Variants in TLL2 observed in about 807,000 individuals in gnomAD.
TLL2 encodes the protein tolloid like 2.
A neutral mutation model predicts 123.0 loss-of-function variants in TLL2; 106 were observed. That is an observed-to-expected ratio of 0.86 (90% CI 0.74 to 1.01). The LOEUF is 1.01. Among genes scored for constraint, TLL2 ranks in the 50% least tolerant of loss-of-function variants. The probability of loss-of-function intolerance (pLI) is 0.00; values close to 1 mark genes in which losing one functional copy is unlikely to be tolerated. For missense variants in TLL2, 1,332 were observed against 1,336.7 expected (o/e 1.00, Z 0.06); for synonymous variants, 494 against 516.8 (o/e 0.96, Z 0.60).
Position 96,422,599 on chromosome 10 carries a change from C to T in TLL2, c.767G>A (p.Arg256Gln), listed in dbSNP as rs200756241. 1.4e-5 allele frequency: 23 copies of T among 1,614,164 alleles called. No individual in the cohort carries two copies. Among genetic ancestry groups the T allele is most frequent in the East Asian group, 6.7e-5 (3 of 44,880 alleles). ...HVVGFWHEHTRPDRDQHVTII... is the reference protein window; with the variant it reads ...HVVGFWHEHTQPDRDQHVTII... ...GGTGACATGTTGGTCTCTGTCTGGC[C>T]GGGTGTGTTCATGCCAAAACCCAAC... Residue 256 changes from arginine to glutamine, a missense_variant, in exon 6 of 21, where the codon CGG becomes CAG. Transcript: ENST00000357947.
chr10:96,441,040 G>C (rs1170872619), intron 3 of TLL2, among the ~76,000 whole-genome samples: 1 of 152,066 alleles, frequency 6.6e-6, no homozygotes, highest in African/African-American at 2.4e-5. Context: ...TAGGGTTGAG[G>C]GGGGATAAAG....
intron 9 of TLL2, among the ~76,000 whole-genome samples, chr10:96,405,618 A>G (rs1280806537): frequency 6.6e-6 from 1 of 152,232 alleles, no homozygotes; most frequent in African/African-American, 2.4e-5. Context: ...AGCGAGATGC[A>G]TTAAAAAGAC....
intron 3 of TLL2, among the ~76,000 whole-genome samples, chr10:96,437,008 G>A (rs891096932): frequency 5.9e-5 from 9 of 151,744 alleles, no homozygotes; most frequent in Admixed American, 4.6e-4. Flanking sequence ...TTTAATTTTG[G>A]TTAGTGTTTG....
At chr10:96,369,726 GA>G (rs1554930448) in intron 20 of TLL2, among the ~76,000 whole-genome samples, 1 of 148,092 alleles carries the variant, frequency 6.8e-6, no homozygotes, top group Non-Finnish European at 1.5e-5. Context: ...CAGCCTGGGC[GA>G]CAGAGCAAGA....
intron 3 of TLL2, among the ~76,000 whole-genome samples, chr10:96,435,617 AT>A (rs1388315848): frequency 1.3e-5 from 2 of 152,164 alleles, no homozygotes; most frequent in Non-Finnish European, 2.9e-5. Context: ...TCTTTGATCC[AT>A]TTTTAGTTAA....
intron 2 of TLL2, among the ~76,000 whole-genome samples, chr10:96,476,242 T>TATATATATATATATA (rs1554939637): frequency 8.0e-5 from 1 of 12,426 alleles, no homozygotes; most frequent in African/African-American, 2.7e-4. Context: ...ATATATATAT[T>TATATATATATATATA]TTATTTTTGT....
chr10:96,378,724 A>G (rs1451904680), intron 17 of TLL2, among the ~76,000 whole-genome samples: 2 of 152,228 alleles, frequency 1.3e-5, no homozygotes, highest in Non-Finnish European at 2.9e-5. Context: ...ATTGGATTCC[A>G]GAGCCTGCAG....
chr10:96,400,134 A>G (rs1476968322), intron 10 of TLL2, among the ~76,000 whole-genome samples: 1 of 152,164 alleles, frequency 6.6e-6, no homozygotes, highest in Non-Finnish European at 1.5e-5. Context: ...TTTATTGACT[A>G]TGTCTATGCC....
chr10:96,507,042 G>T (rs1847586004), intron 1 of TLL2, among the ~76,000 whole-genome samples: 1 of 152,094 alleles, frequency 6.6e-6, no homozygotes, highest in Non-Finnish European at 1.5e-5. Flanking sequence ...GAGGGTCAGT[G>T]GGTGGTGTTC....
At chr10:96,413,592 G>T (rs1351878950) in intron 7 of TLL2, among the ~76,000 whole-genome samples, 1 of 152,212 alleles carries the variant, frequency 6.6e-6, no homozygotes, top group African/African-American at 2.4e-5. Context: ...CTTCCTTAGG[G>T]ATGTGTCCTG....
At chr10:96,510,437 T>C (rs544492624) in intron 1 of TLL2, among the ~76,000 whole-genome samples, 57 of 152,342 alleles carry the variant, frequency 3.7e-4, no homozygotes, top group African/African-American at 1.3e-3. Flanking sequence ...TTTTACAGCA[T>C]CAAATAGATT....
Position 96,368,023 on chromosome 10 carries a change from A to G in TLL2, c.*65T>C, listed in dbSNP as rs1846045268. ...TTTTAGGGCAGATTTTCAAGGTGCT[A>G]TTGTTGTTAAAAACAAAACAAAACA... On this transcript the variant is annotated 3_prime_UTR_variant, in exon 21 of 21. Coordinates refer to ENST00000357947, the MANE Select transcript of TLL2 (RefSeq NM_012465.4). 3 of 1,596,558 alleles carry G rather than the reference A, an allele frequency of 1.9e-6. No individual in the cohort carries two copies. The highest frequency in any genetic ancestry group is 1.7e-5 in the Admixed American group (1 of 58,862).
chr10:96,502,332 A>G (rs989991540), intron 1 of TLL2, among the ~76,000 whole-genome samples: 4 of 152,222 alleles, frequency 2.6e-5, no homozygotes, highest in Admixed American at 6.5e-5. Context: ...AAACGTGATC[A>G]CACATGAGTT....
At chr10:96,509,718 C>T (rs10047310) in intron 1 of TLL2, among the ~76,000 whole-genome samples, 4,795 of 152,316 alleles carry the variant, frequency 0.031, 250 homozygotes, top group African/African-American at 0.11. Flanking sequence ...GAGGCCGAGG[C>T]GGGCAGATCA....
intron 3 of TLL2, among the ~76,000 whole-genome samples, chr10:96,434,624 G>A (rs1238462056): frequency 1.3e-5 from 2 of 152,178 alleles, no homozygotes; most frequent in Non-Finnish European, 2.9e-5. Context: ...CTTTTTGGCT[G>A]TTAGGAATAA....
chr10:96,377,250 G>A (rs1589405232), intron 17 of TLL2, among the ~76,000 whole-genome samples: 1 of 152,222 alleles, frequency 6.6e-6, no homozygotes, highest in African/African-American at 2.4e-5. Flanking sequence ...TAATGCATGG[G>A]AAAGGCTTAG....
intron 16 of TLL2, among the ~76,000 whole-genome samples, chr10:96,382,456 G>A (rs1342857158): frequency 6.6e-6 from 1 of 152,218 alleles, no homozygotes; most frequent in East Asian, 1.9e-4. Context: ...CTAATGGAAG[G>A]GAAGGAGAGA....
chr10:96,422,910 C>T (rs1236560662), intron 5 of TLL2, among the ~76,000 whole-genome samples, 183 bp from the exon 6 acceptor site: 6 of 152,122 alleles, frequency 3.9e-5, no homozygotes, highest in Admixed American at 3.9e-4. Context: ...GGCGGATCAC[C>T]TGAGGTCAGG....
At chr10:96,445,120 C>T (rs918258530) in intron 3 of TLL2, among the ~76,000 whole-genome samples, 8 of 152,100 alleles carry the variant, frequency 5.3e-5, no homozygotes, top group African/African-American at 1.4e-4. Flanking sequence ...ACCCAGGAGG[C>T]GGAGCTTGCA....
Sources: gnomAD v4.1 joint callset for allele counts (sites outside exome capture counted in the v4.1 genomes callset) on GRCh38, gnomAD v4.1.1 for gene constraint, MANE v1.5 for transcripts, NCBI Gene and HGNC (gene_info 2026-07-23, HGNC 2026-07-21) for gene names.